FBXO25: variants seen among roughly 807,000 people sequenced by gnomAD.
The protein encoded by FBXO25 is F-box only protein 25.
A neutral mutation model predicts 51.9 loss-of-function variants in FBXO25; 45 were observed. The ratio of observed to expected loss-of-function variants is 0.87; its 90% CI spans 0.68 to 1.11. The LOEUF (loss-of-function observed/expected upper bound fraction) is 1.11, where lower values mean the gene tolerates loss of function less well. Among genes scored for constraint, FBXO25 ranks in the 50% most tolerant of loss-of-function variants. The pLI is 0.00. For synonymous variants in FBXO25, 199 were observed against 151.0 expected, an observed-to-expected ratio of 1.32 and a Z score of -2.33; for missense variants, 507 against 428.5, an observed-to-expected ratio of 1.18 and a Z score of -1.62.
chr8:448,681 G>A (rs1178754800), intron 5 of FBXO25, among the ~76,000 whole-genome samples: 1 of 152,226 alleles, frequency 6.6e-6, no homozygotes, highest in Non-Finnish European at 1.5e-5. Context: ...TGAGTGGAGG[G>A]CAGAGGAGAA....
At chr8:466,845 C>T (rs1033419368) in intron 9 of FBXO25, among the ~76,000 whole-genome samples, 5 of 152,176 alleles carry the variant, frequency 3.3e-5, no homozygotes, top group African/African-American at 7.2e-5. Flanking sequence ...AGACTGACTT[C>T]GATGGCCCTG....
chr8:411,017 GT>G (rs1023864752), intron 1 of FBXO25, among the ~76,000 whole-genome samples: 5 of 151,950 alleles, frequency 3.3e-5, no homozygotes, highest in Non-Finnish European at 7.4e-5. Flanking sequence ...TTAATAGCTT[GT>G]TTTTTGTTAA....
chr8:413,694 C>G (rs539220451), intron 2 of FBXO25, among the ~76,000 whole-genome samples: 2 of 152,184 alleles, frequency 1.3e-5, no homozygotes, highest in Non-Finnish European at 2.9e-5. Context: ...TGGTCCAAAA[C>G]GGTGTATTAC....
At chr8:418,887 A>C (rs1324318648) in intron 2 of FBXO25, among the ~76,000 whole-genome samples, 1 of 152,198 alleles carries the variant, frequency 6.6e-6, no homozygotes, top group Non-Finnish European at 1.5e-5. Flanking sequence ...ACATAGCATT[A>C]ATGTTAGATG....
intron 2 of FBXO25, among the ~76,000 whole-genome samples, chr8:429,725 A>G (rs1797702875): frequency 1.3e-5 from 2 of 152,356 alleles, no homozygotes; most frequent in South Asian, 4.1e-4. Flanking sequence ...TTGTGAGCCC[A>G]GGCTTGGTCC....
chr8:410,112 GC>G (rs1274112676), intron 1 of FBXO25, among the ~76,000 whole-genome samples: 7 of 152,266 alleles, frequency 4.6e-5, no homozygotes, highest in African/African-American at 1.7e-4. Context: ...TCTAGTCAGA[GC>G]TTTCCCAGCT....
intron 5 of FBXO25, among the ~76,000 whole-genome samples, chr8:437,840 A>G (rs1798193818): frequency 6.6e-6 from 1 of 151,944 alleles, no homozygotes. Context: ...AACACTTACT[A>G]CAACAACTGA....
intron 8 of FBXO25, among the ~76,000 whole-genome samples, chr8:458,950 C>T (rs760476510): frequency 2.0e-5 from 3 of 152,188 alleles, no homozygotes; most frequent in Non-Finnish European, 2.9e-5. Context: ...TCTCTCAGCA[C>T]TCGGTAGATG....
At chr8:424,608 A>G (rs1327612395) in intron 2 of FBXO25, among the ~76,000 whole-genome samples, 1 of 152,162 alleles carries the variant, frequency 6.6e-6, no homozygotes, top group Admixed American at 6.5e-5. Flanking sequence ...AACACCATAT[A>G]TTGAATAGGA....
Position 474,489 on chromosome 8 carries a change from G to T in FBXO25, c.*5685G>T, listed in dbSNP as rs919458816. The T allele has an allele frequency of 7.2e-5, 24 of 333,184 alleles. No homozygotes were observed. The highest frequency in any genetic ancestry group is 1.4e-4 in the Non-Finnish European group (24 of 173,392). The allele number at this position is 333,184 out of a possible 1,614,324, so 20.6% of individuals were successfully genotyped here. Reference sequence around the variant, plus strand: ...GGCACTGCCATAAGTGTTTTACACGGTGGCTGCACCATTTTACATTCCCAC... The same window carrying T: ...GGCACTGCCATAAGTGTTTTACACGTTGGCTGCACCATTTTACATTCCCAC... On this transcript the variant is annotated 3_prime_UTR_variant, in exon 10 of 10. Coordinates refer to ENST00000350302, the MANE Select transcript of FBXO25 (RefSeq NM_183420.2).
chr8:427,015 T>C (rs11985199), intron 2 of FBXO25, among the ~76,000 whole-genome samples: 1,563 of 145,732 alleles, frequency 0.011, 19 homozygotes, highest in African/African-American at 0.031. Flanking sequence ...AGACTAATAA[T>C]ACACTGATAC....
At chr8:444,961 G>A (rs910894928) in intron 5 of FBXO25, among the ~76,000 whole-genome samples, 2 of 152,180 alleles carry the variant, frequency 1.3e-5, no homozygotes, top group Admixed American at 1.3e-4. Flanking sequence ...ACCCATGACT[G>A]TATAAAAAAC....
intron 3 of FBXO25, among the ~76,000 whole-genome samples, chr8:432,532 A>G (rs972917374): frequency 2.6e-5 from 4 of 152,374 alleles, no homozygotes; most frequent in Non-Finnish European, 5.9e-5. Context: ...ATTTGTTTCT[A>G]TGGAGTACCA....
At chr8:468,060 T>G in intron 9 of FBXO25, 1 of 1,186,864 alleles carries the variant, frequency 8.4e-7, no homozygotes, top group Non-Finnish European at 1.0e-6. Flanking sequence ...GATCCAGCAC[T>G]GACCCCAGAG....
At chr8:443,151 A>G (rs1350794224) in intron 5 of FBXO25, among the ~76,000 whole-genome samples, 1 of 151,136 alleles carries the variant, frequency 6.6e-6, no homozygotes, top group African/African-American at 2.5e-5. Context: ...AAAATTGAAC[A>G]TAGATTGCTG....
At chr8:461,518 A>C (rs1799807613) in intron 8 of FBXO25, among the ~76,000 whole-genome samples, 1 of 152,152 alleles carries the variant, frequency 6.6e-6, no homozygotes, top group African/African-American at 2.4e-5. Context: ...CATGGGAAAG[A>C]CTTGCCCCCA....
At chr8:447,854 T>G (rs1344894546) in intron 5 of FBXO25, among the ~76,000 whole-genome samples, 1 of 152,096 alleles carries the variant, frequency 6.6e-6, no homozygotes, top group Non-Finnish European at 1.5e-5. Context: ...GGATTCTGGA[T>G]TTTGGAATTA....
At chr8:417,168 C>G (rs1023097746) in intron 2 of FBXO25, among the ~76,000 whole-genome samples, 6 of 152,230 alleles carry the variant, frequency 3.9e-5, no homozygotes, top group Non-Finnish European at 8.8e-5. Context: ...CCCAGCCTGA[C>G]TGGGTCCCAG....
chr8:475,559 GCTTT>G lies in FBXO25; in HGVS notation c.*6758_*6761del, dbSNP rs371979165. ...GTATCCAATCCATAAACACGGGATT[GCTTT>G]CTATTTATTTGTGTTGACCTTACTT... On this transcript the variant is annotated 3_prime_UTR_variant, in exon 10 of 10. Coordinates refer to ENST00000350302, the MANE Select transcript of FBXO25 (RefSeq NM_183420.2). 5.8e-4 allele frequency: 89 copies of G among 152,246 alleles called. No homozygotes were observed. Among genetic ancestry groups the G allele is most frequent in the African/African-American group, 2.0e-3 (85 of 41,556 alleles). 9.4% of individuals were successfully genotyped at this position (152,246 alleles called of 1,614,324 possible).
Sources: allele counts gnomAD v4.1 joint callset (sites outside exome capture counted in the v4.1 genomes callset), GRCh38; gene constraint gnomAD v4.1.1; transcripts MANE v1.5; gene names NCBI Gene and HGNC (gene_info 2026-07-23, HGNC 2026-07-21).